Variants in SH3BP4 observed in about 807,000 individuals in gnomAD.
SH3BP4 encodes SH3 domain-binding protein 4.
SH3BP4 carries 33 observed loss-of-function variants against 65.5 expected under a neutral mutation model. That is an observed-to-expected ratio of 0.50 (90% CI 0.38 to 0.67). The LOEUF is 0.67. Ranked by LOEUF, SH3BP4 falls within the 30% of genes least tolerant of loss-of-function variation. The pLI, the probability that SH3BP4 is intolerant of heterozygous loss-of-function variation, is 0.00. For synonymous variants in SH3BP4, 552 were observed against 545.5 expected (o/e 1.01, Z -0.17); for missense variants, 1,134 against 1,261.4 (o/e 0.90, Z 1.53).
chr2:235,039,934 G>A (rs544288956), intron 3 of SH3BP4, among the ~76,000 whole-genome samples: 1 of 152,308 alleles, frequency 6.6e-6, no homozygotes, highest in African/African-American at 2.4e-5. Flanking sequence ...GATTTTGAAT[G>A]ATAATTTAAA....
intron 1 of SH3BP4, among the ~76,000 whole-genome samples, chr2:234,960,176 G>A (rs1347868859): frequency 2.6e-5 from 4 of 152,232 alleles, no homozygotes; most frequent in Admixed American, 1.3e-4. Flanking sequence ...CATAATTCAT[G>A]TAGAATGCTA....
At position 235,042,207 on chromosome 2, in the gene SH3BP4, G is replaced by A. The variant is rs375278375; in HGVS notation, c.1438G>A (p.Gly480Ser). 3 of 1,613,962 alleles carry A rather than the reference G, an allele frequency of 1.9e-6. No homozygotes were observed. Among genetic ancestry groups the A allele is most frequent in the Non-Finnish European group, 2.5e-6 (3 of 1,180,022 alleles). The change falls in exon 4 of 6, where the codon GGC (glycine) becomes AGC (serine). Residue 480 changes from glycine to serine, a missense_variant. Gly to Ser is a moderately conservative substitution (Grantham distance 56). Coordinates refer to ENST00000392011, the MANE Select transcript of SH3BP4 (RefSeq NM_014521.3). The surrounding 1 kb of genome is among the most constrained non-coding windows in gnomAD (Gnocchi z 7.3). ...INKKVTVGLY[G>S]PKHIHPSFKT... Reference sequence around the variant, plus strand: ...TAAAAAAGTCACAGTGGGTCTCTACGGCCCTAAACACATCCACCCATCCTT... The same window carrying A: ...TAAAAAAGTCACAGTGGGTCTCTACAGCCCTAAACACATCCACCCATCCTT...
Position 234,983,856 on chromosome 2 carries a change from G to A in SH3BP4, c.-206-11447G>A, listed in dbSNP as rs139302796. Among the ~76,000 whole-genome samples the A allele has an allele frequency of 2.6e-3, 403 of 152,282 alleles. 3 individuals are homozygous for A. The highest frequency in any genetic ancestry group is 9.5e-3 in the African/African-American group (393 of 41,556). On this transcript the variant is annotated intron_variant, in intron 1 of 5. Coordinates refer to ENST00000392011, the MANE Select transcript of SH3BP4 (RefSeq NM_014521.3). Reference sequence around the variant, plus strand: ...GGCCACAGAAGCAGCTCACCCCCTCGGAGCCTCCAGAAGGCACTGGCCCTG... The same window carrying A: ...GGCCACAGAAGCAGCTCACCCCCTCAGAGCCTCCAGAAGGCACTGGCCCTG...
At chr2:235,039,545 CG>C (rs1695569759) in intron 3 of SH3BP4, among the ~76,000 whole-genome samples, 1 of 150,120 alleles carries the variant, frequency 6.7e-6, no homozygotes, top group Non-Finnish European at 1.5e-5. Flanking sequence ...TTGTTTATTA[CG>C]GGAAGCCAGA....
intron 1 of SH3BP4, among the ~76,000 whole-genome samples, chr2:234,988,548 A>G (rs569383140): frequency 2.0e-5 from 3 of 152,354 alleles, no homozygotes; most frequent in African/African-American, 7.2e-5. Flanking sequence ...ATGAGAAAGT[A>G]GTCTTCCGGC....
At chr2:235,037,697 T>C (rs1695430302) in intron 3 of SH3BP4, among the ~76,000 whole-genome samples, 2 of 152,174 alleles carry the variant, frequency 1.3e-5, no homozygotes, top group Admixed American at 1.3e-4. Context: ...TTATGTGACA[T>C]TTCCAGTAGA....
At chr2:235,027,858 T>C (rs1337583256) in intron 2 of SH3BP4, among the ~76,000 whole-genome samples, 2 of 152,192 alleles carry the variant, frequency 1.3e-5, no homozygotes, top group Non-Finnish European at 2.9e-5. Flanking sequence ...CTCGTTAGGT[T>C]GGTTTTTCTG....
chr2:235,030,446 G>T lies in SH3BP4; in HGVS notation c.-132-4425G>T, dbSNP rs534534362. On this transcript the variant is annotated intron_variant, in intron 2 of 5. Coordinates refer to ENST00000392011, the MANE Select transcript of SH3BP4 (RefSeq NM_014521.3). This position sits in a 1 kb window ranked among gnomAD's most constrained non-coding sequence, Gnocchi z 4.1. The stretch of plus-strand genomic sequence containing the variant: ...CCTGCTGCCTAGGGCCCTTGAGGAC[G>T]CAGTGGGATGGTGCCTGGTGGAGCT... Among the ~76,000 whole-genome samples, 22 of 152,324 alleles carry T rather than the reference G, an allele frequency of 1.4e-4. No individual in the cohort carries two copies. Among genetic ancestry groups the T allele is most frequent in the Middle Eastern group, 3.4e-3 (1 of 294 alleles).
chr2:235,041,420 C>T lies in SH3BP4; in HGVS notation c.651C>T (p.Phe217=), dbSNP rs371139597. The T allele has an allele frequency of 4.3e-6, 7 of 1,614,068 alleles. No homozygotes were observed. The highest frequency in any genetic ancestry group is 2.2e-5 in the East Asian group (1 of 44,894). The change falls in exon 4 of 6, where the codon TTC becomes TTT. Residue 217 remains phenylalanine, a synonymous_variant. Coordinates refer to ENST00000392011, the MANE Select transcript of SH3BP4 (RefSeq NM_014521.3). The surrounding 1 kb of genome is among the most constrained non-coding windows in gnomAD (Gnocchi z 6.0). ...CCACGAATAGCACTGGCAACATCTT[C>T]GATGAGCTTCCAGTCACAAACGGAC... ...SATTNSTGNI[F]DELPVTNGLH... is the part of the protein sequence containing the mutation.
intron 1 of SH3BP4, among the ~76,000 whole-genome samples, chr2:234,961,768 G>A (rs949646234): frequency 7.9e-5 from 12 of 151,578 alleles, no homozygotes; most frequent in Non-Finnish European, 1.6e-4. Context: ...TAAAAAGCTC[G>A]TAGGTGTGGA....
intron 2 of SH3BP4, among the ~76,000 whole-genome samples, chr2:235,027,734 T>C (rs12328785): frequency 0.34 from 52,128 of 152,120 alleles, 10,341 homozygotes; most frequent in African/African-American, 0.55. Flanking sequence ...CCAGGCCAGC[T>C]GCTTTCCTTC....
At chr2:235,036,740 A>AAAAAAAAATAAT (rs146049108) in intron 3 of SH3BP4, among the ~76,000 whole-genome samples, 2 of 141,740 alleles carry the variant, frequency 1.4e-5, no homozygotes, top group African/African-American at 5.4e-5. Context: ...TCTATATAAA[A>AAAAAAAAATAAT]AATAATAATA....
At position 235,035,259 on chromosome 2, in the gene SH3BP4, G is replaced by T. The variant is rs566648947; in HGVS notation, c.118+139G>T. ...GTTTAGTTCTTTAAACTTCATCATGGTAATAGATTTAGCCCTGGAATCATA... is the reference window on the plus strand; with the variant it reads ...GTTTAGTTCTTTAAACTTCATCATGTTAATAGATTTAGCCCTGGAATCATA... On this transcript the variant is annotated intron_variant, in intron 3 of 5. Transcript: ENST00000392011. The surrounding 1 kb of genome is among the most constrained non-coding windows in gnomAD (Gnocchi z 5.0). 1.4e-5 allele frequency: 10 copies of T among 728,260 alleles called. No individual in the cohort carries two copies. The highest frequency in any genetic ancestry group is 1.2e-4 in the African/African-American group (7 of 56,846). 45.1% of individuals were successfully genotyped at this position (728,260 alleles called of 1,614,324 possible). A position where few individuals can be genotyped will look rare whatever the true frequency, so the allele number is the denominator to read the frequency against.
At chr2:235,010,370 G>C (rs997025050) in intron 2 of SH3BP4, among the ~76,000 whole-genome samples, 1 of 152,222 alleles carries the variant, frequency 6.6e-6, no homozygotes, top group Non-Finnish European at 1.5e-5. Context: ...GATGCACACA[G>C]TAGGCCCCAG....
rs751467285 is a variant in SH3BP4 at position 234,974,720 on chromosome 2, C to T, written c.-206-20583C>T. On this transcript the variant is annotated intron_variant, in intron 1 of 5. Transcript: ENST00000392011. This position sits in a 1 kb window ranked among gnomAD's most constrained non-coding sequence, Gnocchi z 4.6. ...ACAAGCTCTCTTAGTTCCGAAAAAT[C>T]GAGGGGTTCCTTGCCAGCTTCTCTG... Among the ~76,000 whole-genome samples the T allele has an allele frequency of 3.3e-5, 5 of 152,150 alleles. No homozygotes were observed. The highest frequency in any genetic ancestry group is 5.9e-5 in the Non-Finnish European group (4 of 68,036).
chr2:235,036,311 T>TATTTTTCA (rs1315643506), intron 3 of SH3BP4, among the ~76,000 whole-genome samples: 2 of 152,234 alleles, frequency 1.3e-5, no homozygotes, highest in Non-Finnish European at 2.9e-5. Flanking sequence ...CTGAAGCATT[T>TATTTTTCA]ATTTTTCAGA....
rs138046608 is a variant in SH3BP4, at chr2:234,977,703, G to A, written c.-206-17600G>A. ...AAGTATGAATATTCACAGCCACACC[G>A]AGGCACCTGCTCCGTAGATGATTTT... On this transcript the variant is annotated intron_variant, in intron 1 of 5. Coordinates refer to ENST00000392011, the MANE Select transcript of SH3BP4 (RefSeq NM_014521.3). This position sits in a 1 kb window ranked among gnomAD's most constrained non-coding sequence, Gnocchi z 5.1. 4.6e-5 allele frequency among the ~76,000 whole-genome samples: 7 copies of A among 152,188 alleles called. No individual in the cohort carries two copies. The highest frequency in any genetic ancestry group is 2.1e-4 in the South Asian group (1 of 4,820).
chr2:235,048,115 T>C (rs1695930516), intron 4 of SH3BP4, among the ~76,000 whole-genome samples: 2 of 151,948 alleles, frequency 1.3e-5, no homozygotes, highest in Admixed American at 6.6e-5. Flanking sequence ...ACAGTGTGCA[T>C]TGGATGGGGT....
In SH3BP4 at chr2:235,030,658, G is replaced by A. The variant is rs1286009624; in HGVS notation, c.-132-4213G>A. On this transcript the variant is annotated intron_variant, in intron 2 of 5. Coordinates refer to ENST00000392011, the MANE Select transcript of SH3BP4 (RefSeq NM_014521.3). The surrounding 1 kb of genome is among the most constrained non-coding windows in gnomAD (Gnocchi z 4.1). ...TGGGAGGAGGAGGAGGGGTGGGAGG[G>A]GAGAGGATTCTGCTGTAGGAAAGAG... 1.3e-5 allele frequency among the ~76,000 whole-genome samples: 2 copies of A among 152,104 alleles called. No homozygotes were observed. Among genetic ancestry groups the A allele is most frequent in the African/African-American group, 2.4e-5 (1 of 41,428 alleles).
Sources: allele counts gnomAD v4.1 joint callset (sites outside exome capture counted in the v4.1 genomes callset), GRCh38; gene constraint gnomAD v4.1.1; non-coding constraint Gnocchi (gnomAD v3.1); transcripts MANE v1.5; gene names NCBI Gene and HGNC (gene_info 2026-07-23, HGNC 2026-07-21).